The following HDLBP variants were observed in gnomAD, a reference collection of about 807,000 sequenced individuals.
HDLBP encodes high density lipoprotein binding protein, also known as vigilin.
In HDLBP, 30 loss-of-function variants were observed where a neutral mutation model predicts 137.3. The observed-to-expected ratio is 0.22, with a 90% CI of 0.16 to 0.30. The LOEUF is 0.30. Ranked by LOEUF, HDLBP falls within the 10% of genes least tolerant of loss-of-function variation. The pLI, the probability that HDLBP is intolerant of heterozygous loss-of-function variation, is 1.00. For missense variants in HDLBP, 1,119 were observed against 1,667.3 expected, an observed-to-expected ratio of 0.67 and a Z score of 5.73; for synonymous variants, 606 against 596.0, an observed-to-expected ratio of 1.02 and a Z score of -0.24.
At chr2:241,285,262 C>G (rs952010330) in intron 1 of HDLBP, among the ~76,000 whole-genome samples, 2 of 152,230 alleles carry the variant, frequency 1.3e-5, no homozygotes, top group South Asian at 4.1e-4. Flanking sequence ...AAACGTAAAA[C>G]TCATGTGATG....
Position 241,240,889 on chromosome 2 carries a change from C to T in HDLBP, c.2170-767G>A, listed in dbSNP as rs957613307. Among the ~76,000 whole-genome samples the T allele has an allele frequency of 3.9e-5, 6 of 152,054 alleles. No homozygotes were observed. Among genetic ancestry groups the T allele is most frequent in the Non-Finnish European group, 7.4e-5 (5 of 68,018 alleles). On this transcript the variant is annotated intron_variant, in intron 17 of 27. Transcript: ENST00000310931. The surrounding 1 kb of genome is among the most constrained non-coding windows in gnomAD (Gnocchi z 5.5). ...CACACGGGGAGCTCTTGCCTTTCTC[C>T]GGACCCAAGATCTGGCCCGCAAGCA...
Position 241,229,627 on chromosome 2 carries a change from T to C in HDLBP, c.3781A>G (p.Thr1261Ala). 6.2e-7 allele frequency: 1 copy of C among 1,613,596 alleles called. No homozygotes were observed. ...PSFGAQVAPK[T>A]LPWGPKR ...TATCGTTTGGGGCCCCAAGGGAGGG[T>C]CTTGGGAGCCACCTGAGCCCCAAAG... The change falls in exon 28 of 28, where the codon ACC (threonine) becomes GCC (alanine). Residue 1261 changes from threonine (T) to alanine (A), a missense_variant. Physicochemically the swap from Thr to Ala is moderately conservative, Grantham distance 58. Coordinates refer to ENST00000310931, the MANE Select transcript of HDLBP (RefSeq NM_005336.6).
rs1188460168 is a variant in HDLBP at position 241,230,512 on chromosome 2, C to T, written c.3475-243G>A. The stretch of plus-strand genomic sequence containing the variant: ...TGCGCTCTTGCATGAAATTCCCACC[C>T]ACAGAGGACGAGCTCGCCAGGCAGC... On this transcript the variant is annotated intron_variant, in intron 25 of 27. Coordinates refer to ENST00000310931, the MANE Select transcript of HDLBP (RefSeq NM_005336.6). This position sits in a 1 kb window ranked among gnomAD's most constrained non-coding sequence, Gnocchi z 5.0. Among the ~76,000 whole-genome samples the T allele has an allele frequency of 6.6e-6, 1 of 152,238 alleles. No individual in the cohort carries two copies. The highest frequency in any genetic ancestry group is 1.5e-5 in the Non-Finnish European group (1 of 68,050).
At position 241,230,406 on chromosome 2, in the gene HDLBP, G is replaced by T; in HGVS notation, c.3475-137C>A. On this transcript the variant is annotated intron_variant, in intron 25 of 27. Coordinates refer to ENST00000310931, the MANE Select transcript of HDLBP (RefSeq NM_005336.6). The surrounding 1 kb of genome is among the most constrained non-coding windows in gnomAD (Gnocchi z 5.0). ...TGGTTTCAGAGTTGTTCTGAAGTCAGTCAGCCTCATCACCACACCAAGTTA... is the reference window on the plus strand; with the variant it reads ...TGGTTTCAGAGTTGTTCTGAAGTCATTCAGCCTCATCACCACACCAAGTTA... 1.6e-6 allele frequency: 1 copy of T among 642,830 alleles called. No individual in the cohort carries two copies. The highest frequency in any genetic ancestry group is 2.7e-6 in the Non-Finnish European group (1 of 369,428). 39.8% of individuals were successfully genotyped at this position (642,830 alleles called of 1,614,324 possible). A position where few individuals can be genotyped will look rare whatever the true frequency, so the allele number is the denominator to read the frequency against.
rs1487533024 is a variant in HDLBP, at chr2:241,235,175, G to A, written c.3090C>T (p.Ala1030=). Residue 1030 remains alanine (A), a synonymous_variant, in exon 23 of 28, where the codon GCC becomes GCT. Coordinates refer to ENST00000310931, the MANE Select transcript of HDLBP (RefSeq NM_005336.6). ...ITGLAANLDR[A]KAGLLERVKE... ...TCACACGCTCCAGCAGTCCAGCCTTGGCCCGGTCCAAATTTGCAGCGAGGC... is the reference window on the plus strand; with the variant it reads ...TCACACGCTCCAGCAGTCCAGCCTTAGCCCGGTCCAAATTTGCAGCGAGGC... 2 of 1,614,166 alleles carry A rather than the reference G, an allele frequency of 1.2e-6. No individual in the cohort carries two copies. Among genetic ancestry groups the A allele is most frequent in the Non-Finnish European group, 1.7e-6 (2 of 1,180,044 alleles).
In HDLBP at chr2:241,249,823, C is replaced by A; in HGVS notation, c.1512+18G>T. On this transcript the variant is annotated intron_variant, in intron 12 of 27. Transcript: ENST00000310931. ...GCAAGGCCAGTGCCTTTCTAGAGGG[C>A]CCAGCCATGGCACTTACCATGCGAG... The A allele has an allele frequency of 6.3e-7, 1 of 1,589,032 alleles. No homozygotes were observed. Among genetic ancestry groups the A allele is most frequent in the Non-Finnish European group, 8.5e-7 (1 of 1,169,776 alleles).
In HDLBP at chr2:241,256,602, G is replaced by C; in HGVS notation, c.655C>G (p.Gln219Glu). 6.2e-7 allele frequency: 1 copy of C among 1,613,670 alleles called. No homozygotes were observed. The highest frequency in any genetic ancestry group is 1.7e-5 in the Admixed American group (1 of 60,030). ...RHEVLLISAE[Q>E]DKRAVERLEV... Reference sequence around the variant, plus strand: ...CGAGGCACTCACACAGGCCTCACCTGCTCGGCAGAGATGAGTAAGACTTCA... The same window carrying C: ...CGAGGCACTCACACAGGCCTCACCTCCTCGGCAGAGATGAGTAAGACTTCA... Residue 219 changes from glutamine to glutamate, a missense_variant and splice_region_variant, in exon 6 of 28, where the codon CAG becomes GAG. By Grantham distance (29) the Gln-to-Glu change is conservative (BLOSUM62 2). This residue lies in a region of HDLBP where 425 missense variants were observed against 693.9 expected (regional missense o/e 0.61). Transcript: ENST00000310931.
At chr2:241,234,275 T>C (rs767863983) in intron 23 of HDLBP, among the ~76,000 whole-genome samples, 1 of 152,114 alleles carries the variant, frequency 6.6e-6, no homozygotes, top group Admixed American at 6.5e-5. Flanking sequence ...GGGGCCCCGC[T>C]CTCCTCATTT....
intron 1 of HDLBP, among the ~76,000 whole-genome samples, chr2:241,271,356 A>G (rs1163381720): frequency 1.3e-5 from 2 of 151,718 alleles, no homozygotes; most frequent in African/African-American, 2.4e-5. Context: ...CTTTCAGCAA[A>G]CAGAACTAGA....
chr2:241,299,913 T>TCAAA (rs10636971), intron 1 of HDLBP, among the ~76,000 whole-genome samples: 117,046 of 151,216 alleles, frequency 0.77, 45,498 homozygotes, highest in Middle Eastern at 0.85. Flanking sequence ...AGATTCCGTC[T>TCAAA]CAAACAAACA....
intron 1 of HDLBP, among the ~76,000 whole-genome samples, chr2:241,279,175 A>G (rs2074507959): frequency 6.6e-6 from 1 of 152,258 alleles, no homozygotes; most frequent in South Asian, 2.1e-4. Flanking sequence ...AATCATGGAT[A>G]GTAATTCTCC....
intron 1 of HDLBP, among the ~76,000 whole-genome samples, chr2:241,269,765 G>A (rs1313089130): frequency 6.6e-6 from 1 of 152,172 alleles, no homozygotes; most frequent in Non-Finnish European, 1.5e-5. Context: ...CTCGGCAAGA[G>A]CTCCTTGAGA....
chr2:241,295,822 C>A (rs2075156502), intron 1 of HDLBP, among the ~76,000 whole-genome samples: 1 of 152,150 alleles, frequency 6.6e-6, no homozygotes, highest in Admixed American at 6.5e-5. Context: ...AACCATGCAG[C>A]TGCAAGCCAA....
intron 4 of HDLBP, 28 bp from the exon 5 acceptor site, chr2:241,262,954 G>C: frequency 6.4e-7 from 1 of 1,569,632 alleles, no homozygotes; most frequent in Non-Finnish European, 8.8e-7. Flanking sequence ...AAAAAGGAAA[G>C]GTTAAGAGAT....
At chr2:241,254,115 C>A (rs143751224) in intron 9 of HDLBP, among the ~76,000 whole-genome samples, 4 of 152,026 alleles carry the variant, frequency 2.6e-5, no homozygotes, top group African/African-American at 9.7e-5. Flanking sequence ...AAGACTCTGC[C>A]TCCACGAAAA....
chr2:241,272,676 G>A lies in HDLBP; in HGVS notation c.-102-4135C>T, dbSNP rs2074189979. On this transcript the variant is annotated intron_variant, in intron 1 of 27. Transcript: ENST00000310931. The surrounding 1 kb of genome is among the most constrained non-coding windows in gnomAD (Gnocchi z 5.6). Reference sequence around the variant, plus strand: ...CCCCTCCGCGGCCTCCACGTCAGCAGCCACCCCCCACCCCCCCGCCCGGCA... The same window carrying A: ...CCCCTCCGCGGCCTCCACGTCAGCAACCACCCCCCACCCCCCCGCCCGGCA... 1 of 815,652 alleles carries A rather than the reference G, an allele frequency of 1.2e-6. No individual in the cohort carries two copies. Among genetic ancestry groups the A allele is most frequent in the Non-Finnish European group, 1.5e-6 (1 of 686,812 alleles). 50.5% of individuals were successfully genotyped at this position (815,652 alleles called of 1,614,324 possible).
intron 1 of HDLBP, among the ~76,000 whole-genome samples, chr2:241,297,472 A>T (rs1422604095): frequency 6.6e-6 from 1 of 152,228 alleles, no homozygotes; most frequent in Non-Finnish European, 1.5e-5. Flanking sequence ...ATACATGGAG[A>T]TATTAAAAAA....
In HDLBP at chr2:241,280,883, C is replaced by T. The variant is rs117269072; in HGVS notation, c.-102-12342G>A. ...GTTTGGGAATGCTAACATTTAATTC[C>T]ACTAAACCACTAAACTCACTACTTT... On this transcript the variant is annotated intron_variant, in intron 1 of 27. Transcript: ENST00000310931. Among the ~76,000 whole-genome samples, 32 of 152,230 alleles carry T rather than the reference C, an allele frequency of 2.1e-4. 1 individual carries two copies. The East Asian group carries it at 5.6e-3, about 27-fold the overall frequency.
chr2:241,290,149 T>C (rs75668071), intron 1 of HDLBP, among the ~76,000 whole-genome samples: 5,066 of 152,244 alleles, frequency 0.033, 507 homozygotes, highest in Admixed American at 0.19. Context: ...CAGGGTATGC[T>C]ACCTTTCTGT....
Sources: allele counts gnomAD v4.1 joint callset (sites outside exome capture counted in the v4.1 genomes callset), GRCh38; gene constraint gnomAD v4.1.1; regional missense constraint gnomAD v4.1.1; non-coding constraint Gnocchi (gnomAD v3.1); transcripts MANE v1.5; gene names NCBI Gene and HGNC (gene_info 2026-07-23, HGNC 2026-07-21).